ODAD1: variants seen among roughly 807,000 people sequenced by gnomAD.
ODAD1 encodes outer dynein arm docking complex subunit 1.
ODAD1 carries 49 observed loss-of-function variants against 67.2 expected under a neutral mutation model. That is an observed-to-expected ratio of 0.73 (90% CI 0.58 to 0.92). ODAD1 has a LOEUF of 0.92. ODAD1 is among the 40% of genes least tolerant of loss of function. The pLI, the probability that ODAD1 is intolerant of heterozygous loss-of-function variation, is 0.00. For missense variants in ODAD1, 897 were observed against 953.7 expected, an observed-to-expected ratio of 0.94 and a Z score of 0.78; for synonymous variants, 345 against 393.7, an observed-to-expected ratio of 0.88 and a Z score of 1.46.
rs1173918734 is a variant in ODAD1, at chr19:48,318,578, TAC to T, written c.171-4_171-3del. The T allele has an allele frequency of 8.4e-6, 13 of 1,550,154 alleles. No individual in the cohort carries two copies. The highest frequency in any genetic ancestry group is 1.1e-5 in the Non-Finnish European group (13 of 1,145,920). On this transcript the variant is annotated splice_region_variant and splice_polypyrimidine_tract_variant and intron_variant, in intron 4 of 15. Coordinates refer to ENST00000674294, the MANE Select transcript of ODAD1 (RefSeq NM_001364171.2). The stretch of plus-strand genomic sequence containing the variant: ...TCCTCCAAGCGCCGGATCTCCTCAC[TAC>T]CCAGGCAGGGAGGTGGAAGAGGGGC...
At position 48,297,075 on chromosome 19, in the gene ODAD1, C is replaced by T. The variant is rs1465123664; in HGVS notation, c.2025G>A (p.Ser675=). ...CTCTGCTGGACCCGAGGCCTCCGCT[C>T]GAATCAGACGCTGTGCCTCCGCTCT... The part of the protein sequence containing the change: ...GVESGGTASD[S]SGGLGSSRDH... Residue 675 remains serine, a synonymous_variant, in exon 16 of 16, where the codon TCG becomes TCA. Transcript: ENST00000674294. 8 of 1,613,200 alleles carry T rather than the reference C, an allele frequency of 5.0e-6. No individual in the cohort carries two copies. The highest frequency in any genetic ancestry group is 1.3e-5 in the African/African-American group (1 of 75,000).
intron 8 of ODAD1, among the ~76,000 whole-genome samples, chr19:48,305,198 G>A (rs1464902715): frequency 6.6e-6 from 1 of 151,986 alleles, no homozygotes. Context: ...TGGAGTGAGA[G>A]AGAGAGCATG....
intron 5 of ODAD1, among the ~76,000 whole-genome samples, chr19:48,316,115 A>T (rs1419575914): frequency 6.6e-6 from 1 of 152,180 alleles, no homozygotes; most frequent in Non-Finnish European, 1.5e-5. Context: ...ACGGTGGCCC[A>T]CACCTGTAAT....
chr19:48,304,199 C>T (rs1313426270), intron 8 of ODAD1, 59 bp from the exon 9 acceptor site: 20 of 1,518,200 alleles, frequency 1.3e-5, no homozygotes, highest in Non-Finnish European at 1.8e-5. Context: ...GGCCTGGGGT[C>T]CTGGGGATGG....
At chr19:48,321,240 A>C (rs898390037) in intron 1 of ODAD1, among the ~76,000 whole-genome samples, 2 of 152,202 alleles carry the variant, frequency 1.3e-5, no homozygotes, top group African/African-American at 4.8e-5. Flanking sequence ...TCCGTCTCAA[A>C]AAACAAACAA....
At chr19:48,307,538 C>T (rs552332995) in intron 7 of ODAD1, among the ~76,000 whole-genome samples, 2 of 152,162 alleles carry the variant, frequency 1.3e-5, no homozygotes, top group South Asian at 2.1e-4. Context: ...CTCTTAGTGC[C>T]AGGCTGGTGG....
At chr19:48,301,630 CAGAT>C (rs1287083967) in intron 12 of ODAD1, among the ~76,000 whole-genome samples, 3 of 152,084 alleles carry the variant, frequency 2.0e-5, no homozygotes, top group Admixed American at 6.6e-5. Context: ...AATGTCATTG[CAGAT>C]AGATGGATGA....
At chr19:48,319,055 A>AGGAT (rs1968975524) in intron 3 of ODAD1, among the ~76,000 whole-genome samples, 1 of 151,952 alleles carries the variant, frequency 6.6e-6, no homozygotes, top group Non-Finnish European at 1.5e-5. Context: ...ATCCCACCAG[A>AGGAT]GGGCACTTCT....
chr19:48,299,872 TAAA>T (rs753933955), intron 12 of ODAD1, among the ~76,000 whole-genome samples: 1 of 136,674 alleles, frequency 7.3e-6, no homozygotes. Flanking sequence ...CAGAAGGGAT[TAAA>T]AAAAAAAAAA....
intron 7 of ODAD1, 144 bp from the exon 8 acceptor site, chr19:48,306,467 T>C: frequency 1.6e-6 from 1 of 635,142 alleles, no homozygotes; most frequent in Non-Finnish European, 2.8e-6. Context: ...CGACTGCCCA[T>C]GAAAGGGATT....
At position 48,304,243 on chromosome 19, in the gene ODAD1, G is replaced by A. The variant is rs1054982940; in HGVS notation, c.666-103C>T. ...AGCCAGAGGTTGTGGGGGGTGAGGT[G>A]GAGTCAGCTGGTGTCCCAGATGGGC... is the stretch of plus-strand genomic sequence containing the variant. On this transcript the variant is annotated intron_variant, in intron 8 of 15. Coordinates refer to ENST00000674294, the MANE Select transcript of ODAD1 (RefSeq NM_001364171.2). 7 of 1,190,298 alleles carry A rather than the reference G, an allele frequency of 5.9e-6. No homozygotes were observed. The South Asian group carries it at 9.4e-5, about 16-fold the overall frequency. The allele number at this position is 1,190,298 out of a possible 1,614,324, so 73.7% of individuals were successfully genotyped here.
At position 48,312,412 on chromosome 19, in the gene ODAD1, GTTTT is replaced by G. The variant is rs528076931; in HGVS notation, c.361-300_361-297del. On this transcript the variant is annotated intron_variant, in intron 5 of 15. Coordinates refer to ENST00000674294, the MANE Select transcript of ODAD1 (RefSeq NM_001364171.2). ...CTGACTCCTTTCCGTTTTTTTTTTT[GTTTT>G]TTTTTTTTTTTTTTTTGAGACAGAG... Among the ~76,000 whole-genome samples, 33 of 76,970 alleles carry G rather than the reference GTTTT, an allele frequency of 4.3e-4. 1 individual carries two copies. Among genetic ancestry groups the G allele is most frequent in the African/African-American group, 1.7e-3 (32 of 19,320 alleles). 50.5% of individuals were successfully genotyped at this position (76,970 alleles called of 152,430 possible).
Position 48,298,593 on chromosome 19 carries a change from G to C in ODAD1, c.1241-253C>G, listed in dbSNP as rs375984333. On this transcript the variant is annotated intron_variant, in intron 12 of 15. Coordinates refer to ENST00000674294, the MANE Select transcript of ODAD1 (RefSeq NM_001364171.2). ...GGAAGCCTTCCCAGTGACCCCAGCAGAGCCAGCCTCATGAGTGTGAGATCC... is the reference window on the plus strand; with the variant it reads ...GGAAGCCTTCCCAGTGACCCCAGCACAGCCAGCCTCATGAGTGTGAGATCC... Among the ~76,000 whole-genome samples, 57 of 152,288 alleles carry C rather than the reference G, an allele frequency of 3.7e-4. 3 individuals are homozygous for C. The East Asian group carries it at 6.8e-3, about 18-fold the overall frequency.
At chr19:48,312,568 C>T (rs750751236) in intron 5 of ODAD1, among the ~76,000 whole-genome samples, 2 of 151,954 alleles carry the variant, frequency 1.3e-5, no homozygotes, top group African/African-American at 4.8e-5. Flanking sequence ...AGGCACGTAC[C>T]ACCACACCCA....
rs1173825116 is a variant in ODAD1, at chr19:48,302,692, A to C, written c.1240+2T>G. 6.2e-7 allele frequency: 1 copy of C among 1,608,096 alleles called. No individual in the cohort carries two copies. The highest frequency in any genetic ancestry group is 8.5e-7 in the Non-Finnish European group (1 of 1,179,378). ...CGGGAGGGGGCGCCCATGGGTGCTC[A>C]CCAGCCTTGAGCTTCTCCAGCTGTC... On this transcript the variant is annotated splice_donor_variant, in intron 12 of 15. Coordinates refer to ENST00000674294, the MANE Select transcript of ODAD1 (RefSeq NM_001364171.2). LOFTEE classifies it high-confidence loss of function.
chr19:48,312,181 G>A, intron 5 of ODAD1, 65 bp from the exon 6 acceptor site: 1 of 1,293,842 alleles, frequency 7.7e-7, no homozygotes, highest in Non-Finnish European at 1.1e-6. Flanking sequence ...AATGGCCCAG[G>A]GAAAATGAGT....
At chr19:48,316,245 G>A (rs1968895668) in intron 5 of ODAD1, among the ~76,000 whole-genome samples, 1 of 152,104 alleles carries the variant, frequency 6.6e-6, no homozygotes, top group Non-Finnish European at 1.5e-5. Flanking sequence ...GCTGGGAGTG[G>A]TGGCACACAC....
At chr19:48,313,939 G>T (rs996846598) in intron 5 of ODAD1, among the ~76,000 whole-genome samples, 1 of 151,710 alleles carries the variant, frequency 6.6e-6, no homozygotes, top group African/African-American at 2.4e-5. Flanking sequence ...CAGGGAGAAT[G>T]CCACGTAAGG....
At position 48,314,420 on chromosome 19, in the gene ODAD1, CAAA is replaced by C. The variant is rs1488136947; in HGVS notation, c.361-2307_361-2305del. Among the ~76,000 whole-genome samples, 4 of 152,196 alleles carry C rather than the reference CAAA, an allele frequency of 2.6e-5. No homozygotes were observed. The South Asian group carries it at 8.3e-4, about 32-fold the overall frequency. On this transcript the variant is annotated intron_variant, in intron 5 of 15. Transcript: ENST00000674294. The stretch of plus-strand genomic sequence containing the variant: ...TGGAACTTTGTCATAGCAGCCCTAA[CAAA>C]CTAATCCACGTACCAAAGATACCCC...
Sources: gnomAD v4.1 joint callset for allele counts (sites outside exome capture counted in the v4.1 genomes callset) on GRCh38, gnomAD v4.1.1 for gene constraint, MANE v1.5 for transcripts, NCBI Gene and HGNC (gene_info 2026-07-23, HGNC 2026-07-21) for gene names.